KAZN: variants seen among roughly 807,000 people sequenced by gnomAD.
KAZN encodes the protein kazrin, periplakin interacting protein.
KAZN carries 40 observed loss-of-function variants against 87.4 expected under a neutral mutation model. The ratio of observed to expected loss-of-function variants is 0.46; its 90% confidence interval spans 0.36 to 0.60. The LOEUF (loss-of-function observed/expected upper bound fraction) is 0.60. Ranked by LOEUF, KAZN falls within the 20% of genes least tolerant of loss-of-function variation. The pLI is 0.00. For missense variants in KAZN, 898 were observed against 1,073.9 expected, an observed-to-expected ratio of 0.84 and a Z score of 2.29; for synonymous variants, 466 against 458.3, an observed-to-expected ratio of 1.02 and a Z score of -0.22.
intron 2 of KAZN, among the ~76,000 whole-genome samples, chr1:14,347,884 CT>C (rs905126831): frequency 1.7e-4 from 25 of 145,914 alleles, no homozygotes; most frequent in African/African-American, 3.8e-4. Flanking sequence ...TTTTCTTTTT[CT>C]TTTTTTTTTC....
At chr1:14,514,539 T>C (rs1330749298) in intron 2 of KAZN, among the ~76,000 whole-genome samples, 1 of 71,084 alleles carries the variant, frequency 1.4e-5, no homozygotes, top group Admixed American at 1.9e-4. Flanking sequence ...AGATATATTT[T>C]ATATATAATA....
chr1:15,042,125 C>T (rs1573153585), intron 3 of KAZN, among the ~76,000 whole-genome samples: 1 of 152,148 alleles, frequency 6.6e-6, no homozygotes, highest in East Asian at 1.9e-4. Context: ...TTGGTCTGTT[C>T]GTGAGTAGTA....
chr1:14,985,799 C>A (rs1666751002), intron 2 of KAZN, among the ~76,000 whole-genome samples: 1 of 151,794 alleles, frequency 6.6e-6, no homozygotes, highest in Non-Finnish European at 1.5e-5. Context: ...GTCAAGAGTT[C>A]AAGACCAGCC....
chr1:14,591,377 C>G (rs1676190149), intron 2 of KAZN, among the ~76,000 whole-genome samples: 1 of 151,560 alleles, frequency 6.6e-6, no homozygotes, highest in Non-Finnish European at 1.5e-5. Context: ...CCCAGGCCAG[C>G]ACACATATTC....
rs549658627 is a variant in KAZN at position 14,224,231 on chromosome 1, A to G, written c.249+43639A>G. ...GAAGCTCAGATTTCATAAAGGCCAA[A>G]GGGGCAGGGTCTAGTCAAGGGCAAA... On this transcript the variant is annotated intron_variant, in intron 2 of 16. Coordinates refer to the KAZN transcript ENST00000636203. Among the ~76,000 whole-genome samples, 7 of 152,250 alleles carry G rather than the reference A, an allele frequency of 4.6e-5. No individual in the cohort carries two copies. In the East Asian group the frequency reaches 1.2e-3, roughly 25 times the overall value.
At chr1:14,028,891 G>A (rs891015989) in intron 1 of KAZN, among the ~76,000 whole-genome samples, 145 of 152,100 alleles carry the variant, frequency 9.5e-4, no homozygotes, top group African/African-American at 3.3e-3. Context: ...CATTTGGGTT[G>A]GTTCCAAGTC....
At chr1:13,961,553 G>C (rs942128387) in intron 1 of KAZN, among the ~76,000 whole-genome samples, 14 of 152,146 alleles carry the variant, frequency 9.2e-5, no homozygotes, top group African/African-American at 3.4e-4. Flanking sequence ...CTTTCTCTCT[G>C]TCTCTTTCTC....
chr1:14,878,143 T>C (rs1178088767), intron 1 of KAZN, among the ~76,000 whole-genome samples: 1 of 152,182 alleles, frequency 6.6e-6, no homozygotes, highest in Non-Finnish European at 1.5e-5. Context: ...CTTAACTTTC[T>C]ACCCTCTAAA....
chr1:14,984,954 G>C (rs1666624254), intron 2 of KAZN, among the ~76,000 whole-genome samples: 1 of 151,830 alleles, frequency 6.6e-6, no homozygotes, highest in Non-Finnish European at 1.5e-5. Flanking sequence ...TGGCCAATAT[G>C]ATGAAACCTC....
chr1:14,505,784 G>A (rs1025027149), intron 2 of KAZN, among the ~76,000 whole-genome samples: 1 of 152,156 alleles, frequency 6.6e-6, no homozygotes, highest in South Asian at 2.1e-4. Context: ...GACCAGCCTG[G>A]GCAACAGGGT....
At chr1:14,727,784 T>A (rs1309397289) in intron 1 of KAZN, among the ~76,000 whole-genome samples, 2 of 151,746 alleles carry the variant, frequency 1.3e-5, no homozygotes, top group East Asian at 3.9e-4. Context: ...ATTTCTATCA[T>A]TGCATCGTAA....
chr1:15,028,955 G>A (rs570742236), intron 2 of KAZN, among the ~76,000 whole-genome samples: 23 of 152,280 alleles, frequency 1.5e-4, no homozygotes, highest in African/African-American at 5.3e-4. Flanking sequence ...CCCCGGCTGG[G>A]TGGTACCATC....
intron 1 of KAZN, among the ~76,000 whole-genome samples, chr1:14,950,203 G>A (rs988571367): frequency 2.0e-5 from 3 of 151,988 alleles, no homozygotes; most frequent in Admixed American, 6.6e-5. Context: ...GGGGATTGCT[G>A]TACTGCTTCC....
intron 1 of KAZN, among the ~76,000 whole-genome samples, chr1:14,121,831 G>T (rs1297299982): frequency 6.6e-6 from 1 of 152,236 alleles, no homozygotes; most frequent in Non-Finnish European, 1.5e-5. Context: ...TTGAGAAGAT[G>T]ACTTGGAAGA....
At chr1:14,156,953 G>T (rs946963287) in intron 1 of KAZN, among the ~76,000 whole-genome samples, 1 of 146,412 alleles carries the variant, frequency 6.8e-6, no homozygotes. Context: ...TGAAGGTGAT[G>T]TTTCTTTGGT....
chr1:14,569,705 C>T (rs181839294), intron 2 of KAZN, among the ~76,000 whole-genome samples: 107 of 152,236 alleles, frequency 7.0e-4, no homozygotes, highest in African/African-American at 2.4e-3. Context: ...AATCACAAGT[C>T]ATTAACACCT....
chr1:14,100,134 A>G (rs1644216701), intron 1 of KAZN, among the ~76,000 whole-genome samples: 3 of 151,978 alleles, frequency 2.0e-5, no homozygotes, highest in Admixed American at 6.6e-5. Flanking sequence ...CCAGCCCCTC[A>G]CTAGCCCAGG....
chr1:14,736,900 G>A, intron 1 of KAZN, among the ~76,000 whole-genome samples: 1 of 152,100 alleles, frequency 6.6e-6, no homozygotes, highest in Non-Finnish European at 1.5e-5. Flanking sequence ...TGTATGCCAG[G>A]TGCTGTTCTA....
chr1:14,192,104 T>C (rs1646432257), intron 2 of KAZN, among the ~76,000 whole-genome samples: 1 of 152,116 alleles, frequency 6.6e-6, no homozygotes, highest in Non-Finnish European at 1.5e-5. Context: ...CCTGAGCCAA[T>C]TCGTGGTACC....
Sources: allele counts gnomAD v4.1 joint callset (sites outside exome capture counted in the v4.1 genomes callset), GRCh38; gene constraint gnomAD v4.1.1; transcripts MANE v1.5; gene names NCBI Gene and HGNC (gene_info 2026-07-23, HGNC 2026-07-21).